The following HERC4 variants were observed in gnomAD, a reference collection of about 807,000 sequenced individuals.
HERC4 encodes the protein HECT and RLD domain containing E3 ubiquitin protein ligase 4.
A neutral mutation model predicts 124.3 loss-of-function variants in HERC4; 28 were observed. The ratio of observed to expected loss-of-function variants is 0.23; its 90% confidence interval spans 0.17 to 0.31. The LOEUF is 0.31. Ranked by LOEUF, HERC4 falls within the 10% of genes least tolerant of loss-of-function variation. The probability of loss-of-function intolerance (pLI) is 1.00; values close to 1 mark genes in which losing one functional copy is unlikely to be tolerated. For synonymous variants in HERC4, 407 were observed against 421.5 expected (o/e 0.97, Z 0.42); for missense variants, 713 against 1,229.3 (o/e 0.58, Z 6.28).
At chr10:68,012,294 G>C (rs894101312) in intron 9 of HERC4, among the ~76,000 whole-genome samples, 1 of 152,186 alleles carries the variant, frequency 6.6e-6, no homozygotes, top group African/African-American at 2.4e-5. Flanking sequence ...TAACAACTTG[G>C]ATAACTGGCA....
intron 7 of HERC4, among the ~76,000 whole-genome samples, chr10:68,028,654 A>G (rs1316703778): frequency 6.6e-6 from 1 of 152,262 alleles, no homozygotes; most frequent in Non-Finnish European, 1.5e-5. Context: ...GGCAAAACAA[A>G]AACAAAAACA....
chr10:68,014,198 T>C lies in HERC4; in HGVS notation c.909-12A>G, dbSNP rs2038130696. 6.4e-7 allele frequency: 1 copy of C among 1,556,958 alleles called. No individual in the cohort carries two copies. Among genetic ancestry groups the C allele is most frequent in the East Asian group, 2.3e-5 (1 of 43,530 alleles). On this transcript the variant is annotated splice_polypyrimidine_tract_variant and intron_variant, in intron 8 of 24. Transcript: ENST00000373700. ...CAGAAGTGTGCTGCCTAGAGTAAAA[T>C]GATAGAAAACTTCAGACTTAATGTT...
chr10:68,018,617 G>C (rs2038407696), intron 8 of HERC4, among the ~76,000 whole-genome samples: 1 of 152,094 alleles, frequency 6.6e-6, no homozygotes, highest in Non-Finnish European at 1.5e-5. Context: ...AGTTTAGCAA[G>C]GTGGTTGTAT....
At chr10:68,038,209 T>TTTGTTAAATGGAA in intron 4 of HERC4, 40 bp from the exon 5 acceptor site, 1 of 992,970 alleles carries the variant, frequency 1.0e-6, no homozygotes, top group Non-Finnish European at 1.5e-6. Context: ...GTTAATTCCA[T>TTTGTTAAATGGAA]TTAACAAATT....
At chr10:67,937,029 G>C (rs1181568916) in intron 21 of HERC4, among the ~76,000 whole-genome samples, 1 of 152,082 alleles carries the variant, frequency 6.6e-6, no homozygotes, top group Admixed American at 6.5e-5. Flanking sequence ...TTCTAAACTA[G>C]AGGAAGTGTG....
intron 8 of HERC4, among the ~76,000 whole-genome samples, chr10:68,024,952 C>G (rs939101218): frequency 3.3e-5 from 5 of 152,132 alleles, no homozygotes; most frequent in Non-Finnish European, 7.3e-5. Flanking sequence ...TTAATTATGC[C>G]AATCAAACTT....
intron 9 of HERC4, among the ~76,000 whole-genome samples, chr10:68,011,488 T>C (rs1399197192): frequency 6.6e-6 from 1 of 152,228 alleles, no homozygotes; most frequent in African/African-American, 2.4e-5. Flanking sequence ...GGATGTTGTA[T>C]TAGCAGGCAT....
chr10:68,034,212 AC>A, intron 5 of HERC4, 26 bp from the exon 6 acceptor site: 1 of 1,521,632 alleles, frequency 6.6e-7, no homozygotes, highest in South Asian at 1.2e-5. Flanking sequence ...GGAAAAATTA[AC>A]CATTTTTCTC....
chr10:67,937,666 AT>A (rs2032484985), intron 21 of HERC4, among the ~76,000 whole-genome samples: 1 of 150,068 alleles, frequency 6.7e-6, no homozygotes, highest in South Asian at 2.1e-4. Context: ...TGTTATCTGG[AT>A]TTGTGGAGAG....
chr10:68,019,790 C>T (rs2038498523), intron 8 of HERC4, among the ~76,000 whole-genome samples: 1 of 152,134 alleles, frequency 6.6e-6, no homozygotes, highest in African/African-American at 2.4e-5. Context: ...TTGTAGAAGC[C>T]AGGGTGGGCA....
intron 4 of HERC4, among the ~76,000 whole-genome samples, chr10:68,042,259 G>A (rs2039807469): frequency 6.6e-6 from 1 of 152,028 alleles, no homozygotes; most frequent in Non-Finnish European, 1.5e-5. Flanking sequence ...CACCCACCTC[G>A]GCCTCCCAAA....
chr10:67,942,146 T>C (rs1202428817), intron 19 of HERC4, among the ~76,000 whole-genome samples: 1 of 152,176 alleles, frequency 6.6e-6, no homozygotes, highest in Non-Finnish European at 1.5e-5. Context: ...GTGAGCATGA[T>C]GGTTAAAGAA....
chr10:68,014,907 C>T (rs1188080254), intron 8 of HERC4, among the ~76,000 whole-genome samples: 2 of 152,178 alleles, frequency 1.3e-5, no homozygotes, highest in Non-Finnish European at 2.9e-5. Context: ...CTCCAGGTCT[C>T]ACCCTTGTTT....
At chr10:68,035,466 G>A (rs779641651) in intron 5 of HERC4, among the ~76,000 whole-genome samples, 1 of 151,914 alleles carries the variant, frequency 6.6e-6, no homozygotes, top group Non-Finnish European at 1.5e-5. Flanking sequence ...TGGGACAATC[G>A]CTCTTACCAA....
At chr10:67,966,883 C>T (rs537484375) in intron 15 of HERC4, 81 bp from the exon 16 acceptor site, 1 of 1,090,506 alleles carries the variant, frequency 9.2e-7, no homozygotes, top group East Asian at 3.1e-5. Flanking sequence ...GAGACGGAGT[C>T]TCACTCTGTC....
intron 4 of HERC4, among the ~76,000 whole-genome samples, chr10:68,042,626 A>G (rs551914878): frequency 6.6e-6 from 1 of 152,300 alleles, no homozygotes; most frequent in East Asian, 1.9e-4. Flanking sequence ...TTGTCTCAAG[A>G]AACAAACAAA....
chr10:67,935,771 G>GTT (rs1307018986), intron 22 of HERC4, among the ~76,000 whole-genome samples: 1 of 152,208 alleles, frequency 6.6e-6, no homozygotes, highest in Admixed American at 6.5e-5. Context: ...TCTTATAAGA[G>GTT]TTCTAGCATT....
At chr10:68,026,566 A>T (rs1282669859) in intron 7 of HERC4, among the ~76,000 whole-genome samples, 3 of 150,944 alleles carry the variant, frequency 2.0e-5, no homozygotes, top group Admixed American at 6.6e-5. Flanking sequence ...AATTAGGGCC[A>T]GATGTGGTGG....
At chr10:68,018,942 C>T (rs2038430944) in intron 8 of HERC4, among the ~76,000 whole-genome samples, 1 of 137,582 alleles carries the variant, frequency 7.3e-6, no homozygotes, top group Admixed American at 7.8e-5. Context: ...ACAACCTATG[C>T]TAAAATTTAT....
Sources: gnomAD v4.1 joint callset for allele counts (sites outside exome capture counted in the v4.1 genomes callset) on GRCh38, gnomAD v4.1.1 for gene constraint, MANE v1.5 for transcripts, NCBI Gene and HGNC (gene_info 2026-07-23, HGNC 2026-07-21) for gene names.